Variants in LRRC9 observed in about 807,000 individuals in gnomAD.
The protein encoded by LRRC9 is leucine rich repeat containing 9.
A neutral mutation model predicts 63.2 loss-of-function variants in LRRC9; 122 were observed. The ratio of observed to expected loss-of-function variants is 1.93; its 90% CI spans 1.67 to 2.24. The LOEUF (loss-of-function observed/expected upper bound fraction) is 2.24. Ranked by LOEUF, LRRC9 falls within the 30% of genes most tolerant of loss-of-function variation. LRRC9 has a pLI of 0.00. For missense variants in LRRC9, 1,071 were observed against 627.7 expected (o/e 1.71, Z -7.55); for synonymous variants, 366 against 213.1 (o/e 1.72, Z -6.25).
At chr14:59,968,467 C>T (rs1885099440) in intron 12 of LRRC9, among the ~76,000 whole-genome samples, 1 of 152,112 alleles carries the variant, frequency 6.6e-6, no homozygotes, top group Non-Finnish European at 1.5e-5. Flanking sequence ...AAAATATCAC[C>T]TCCCCAAAAA....
chr14:60,002,009 G>T, exon 20 of LRRC9: 1 of 700,978 alleles, frequency 1.4e-6, no homozygotes. Context: ...GAGAGACCAC[G>T]GATACTTAGT....
chr14:59,959,442 A>G (rs1201674865), intron 8 of LRRC9, among the ~76,000 whole-genome samples: 1 of 152,230 alleles, frequency 6.6e-6, no homozygotes, highest in African/African-American at 2.4e-5. Flanking sequence ...AAATTACATT[A>G]TTTGAATTTT....
intron 23 of LRRC9, among the ~76,000 whole-genome samples, chr14:60,012,074 T>G (rs1054484536): frequency 6.6e-5 from 10 of 152,146 alleles, no homozygotes; most frequent in African/African-American, 2.4e-4. Flanking sequence ...TCTAATACTT[T>G]CATTTATTAA....
chr14:59,931,466 G>T (rs1291051855), intron 4 of LRRC9, among the ~76,000 whole-genome samples, 153 bp from the exon 5 acceptor site: 2 of 151,996 alleles, frequency 1.3e-5, no homozygotes, highest in African/African-American at 4.8e-5. Context: ...AACAAAGGTG[G>T]CTTCTTGGAG....
chr14:59,990,681 G>A lies in LRRC9; in HGVS notation c.2211+5457G>A, dbSNP rs1033193459. ...CCTGCCTCAGCCTCCCAAAGTGCTGGGATTACAGGAGCCACTGTACCAGGC... is the reference window on the plus strand; with the variant it reads ...CCTGCCTCAGCCTCCCAAAGTGCTGAGATTACAGGAGCCACTGTACCAGGC... On this transcript the variant is annotated intron_variant, in intron 17 of 31. Transcript: ENST00000445360. The surrounding 1 kb of genome is among the most constrained non-coding windows in gnomAD (Gnocchi z 4.2). 6.6e-6 allele frequency among the ~76,000 whole-genome samples: 1 copy of A among 152,096 alleles called. No homozygotes were observed. Among genetic ancestry groups the A allele is most frequent in the African/African-American group, 2.4e-5 (1 of 41,396 alleles).
intron 28 of LRRC9, among the ~76,000 whole-genome samples, chr14:60,029,959 AAT>A (rs1891862859): frequency 6.6e-6 from 1 of 152,090 alleles, no homozygotes; most frequent in Non-Finnish European, 1.5e-5. Context: ...GAGAAAAAAA[AAT>A]GAACTCAGAG....
At chr14:60,039,688 G>A (rs921777791) in intron 29 of LRRC9, among the ~76,000 whole-genome samples, 9 of 151,796 alleles carry the variant, frequency 5.9e-5, no homozygotes, top group Non-Finnish European at 1.2e-4. Context: ...TGGCCTATCA[G>A]TTTTGTTGAT....
intron 12 of LRRC9, among the ~76,000 whole-genome samples, chr14:59,967,717 T>C (rs556249065): frequency 6.6e-6 from 1 of 152,300 alleles, no homozygotes; most frequent in South Asian, 2.1e-4. Context: ...ACCTCCACCA[T>C]CTTGACAAGG....
At chr14:59,940,255 A>G (rs750952899) in intron 7 of LRRC9, among the ~76,000 whole-genome samples, 4 of 152,134 alleles carry the variant, frequency 2.6e-5, no homozygotes, top group Non-Finnish European at 5.9e-5. Context: ...CACAAATAGG[A>G]TATATACTAT....
intron 29 of LRRC9, among the ~76,000 whole-genome samples, chr14:60,048,207 A>G (rs911872622): frequency 3.2e-4 from 48 of 152,076 alleles, no homozygotes; most frequent in African/African-American, 1.0e-3. Context: ...CAAGTTAACA[A>G]CCTAACATCA....
chr14:59,934,924 C>A (rs1890009388), intron 6 of LRRC9, among the ~76,000 whole-genome samples: 1 of 151,998 alleles, frequency 6.6e-6, no homozygotes, highest in East Asian at 1.9e-4. Flanking sequence ...TAGAATTGAA[C>A]TCCACATGAC....
At position 59,964,983 on chromosome 14, in the gene LRRC9, A is replaced by G. The variant is rs1011260952; in HGVS notation, c.1212-1606A>G. Reference sequence around the variant, plus strand: ...AGGAGCTCAGCTATTAGGCTCAAGGAGAGACTACCCATCAGGAAGCTCACC... The same window carrying G: ...AGGAGCTCAGCTATTAGGCTCAAGGGGAGACTACCCATCAGGAAGCTCACC... On this transcript the variant is annotated intron_variant, in intron 10 of 31. Coordinates refer to ENST00000445360, the Ensembl canonical transcript of LRRC9. The surrounding 1 kb of genome is among the most constrained non-coding windows in gnomAD (Gnocchi z 4.4). Among the ~76,000 whole-genome samples, 3 of 152,162 alleles carry G rather than the reference A, an allele frequency of 2.0e-5. No individual in the cohort carries two copies. Among genetic ancestry groups the G allele is most frequent in the African/African-American group, 7.2e-5 (3 of 41,454 alleles).
At chr14:60,008,764 G>T (rs1869833630) in intron 23 of LRRC9, among the ~76,000 whole-genome samples, 1 of 152,104 alleles carries the variant, frequency 6.6e-6, no homozygotes, top group Admixed American at 6.5e-5. Flanking sequence ...GTAAATGCAT[G>T]ACAAATGTGT....
At chr14:60,065,505 G>T (rs1373815989), downstream of LRRC9, among the ~76,000 whole-genome samples, 1 of 149,828 alleles carries the variant, frequency 6.7e-6, no homozygotes, top group African/African-American at 2.4e-5. Flanking sequence ...AAAATTAACT[G>T]GGAATGGTGG....
intron 26 of LRRC9, among the ~76,000 whole-genome samples, chr14:60,019,953 CTTT>C (rs1227709746): frequency 6.6e-6 from 1 of 151,630 alleles, no homozygotes; most frequent in Non-Finnish European, 1.5e-5. Context: ...ATTCCTTGTG[CTTT>C]TTATTACCTC....
At chr14:60,057,947 A>G in exon 31 of LRRC9, 1 of 692,092 alleles carries the variant, frequency 1.4e-6, no homozygotes, top group Non-Finnish European at 2.6e-6. Context: ...TCCCATAGAG[A>G]TAACAAATGT....
chr14:60,044,437 T>G (rs999564687), intron 29 of LRRC9, among the ~76,000 whole-genome samples: 4 of 152,204 alleles, frequency 2.6e-5, no homozygotes, highest in Admixed American at 2.6e-4. Context: ...TTTATTGCAA[T>G]AAACTTTCCT....
At chr14:60,047,616 T>A (rs184364642) in intron 29 of LRRC9, among the ~76,000 whole-genome samples, 1 of 152,126 alleles carries the variant, frequency 6.6e-6, no homozygotes, top group Non-Finnish European at 1.5e-5. Flanking sequence ...AAATATATAG[T>A]CACACCATAA....
intron 21 of LRRC9, among the ~76,000 whole-genome samples, chr14:60,005,816 C>A (rs1889761469): frequency 6.6e-6 from 1 of 152,068 alleles, no homozygotes; most frequent in South Asian, 2.1e-4. Flanking sequence ...TTCCGAAGTT[C>A]TTGTCTTTCA....
Sources: gnomAD v4.1 joint callset for allele counts (sites outside exome capture counted in the v4.1 genomes callset) on GRCh38, gnomAD v4.1.1 for gene constraint, Gnocchi (gnomAD v3.1) non-coding constraint, MANE v1.5 for transcripts, NCBI Gene and HGNC (gene_info 2026-07-23, HGNC 2026-07-21) for gene names.